KCTD15: variants seen among roughly 807,000 people sequenced by gnomAD.
The protein encoded by KCTD15 is potassium channel tetramerization domain containing 15.
Under a neutral mutation model 27.2 loss-of-function variants are expected in KCTD15, and 11 were observed. That is an observed-to-expected ratio of 0.41 (90% CI 0.25 to 0.67). The LOEUF (loss-of-function observed/expected upper bound fraction) is 0.67, where lower values mean the gene tolerates loss of function less well. Ranked by LOEUF, KCTD15 falls within the 30% of genes least tolerant of loss-of-function variation. KCTD15 has a pLI of 0.35. For missense variants in KCTD15, 350 were observed against 409.3 expected (o/e 0.86, Z 1.25); for synonymous variants, 163 against 176.0 (o/e 0.93, Z 0.58).
rs998538974 is a variant in KCTD15 at position 33,811,227 on chromosome 19, C to T, written c.388-20C>T. ...CCCTACTCCGACACCCACATCAACA[C>T]CCTGTGCGCCTGTCCCCAGGACTTC... On this transcript the variant is annotated intron_variant, in intron 5 of 6. Transcript: ENST00000683859. The T allele has an allele frequency of 1.1e-5, 14 of 1,229,538 alleles. No homozygotes were observed. The African/African-American group carries it at 1.7e-4, about 15-fold the overall frequency. 76.2% of individuals were successfully genotyped at this position (1,229,538 alleles called of 1,614,324 possible).
chr19:33,811,831 G>C lies in KCTD15; in HGVS notation c.693+279G>C, dbSNP rs530295360. The C allele has an allele frequency of 7.5e-6, 12 of 1,605,856 alleles. No homozygotes were observed. The South Asian group carries it at 1.1e-4, about 15-fold the overall frequency. On this transcript the variant is annotated intron_variant, in intron 6 of 6. Transcript: ENST00000683859. ...TGGCCCAGAGTATTTTCAACAAAGC[G>C]TGCTTCATTTGACACCCAGAGTCTG...
At chr19:33,804,218 G>A (rs972972150) in intron 4 of KCTD15, among the ~76,000 whole-genome samples, 2 of 152,194 alleles carry the variant, frequency 1.3e-5, no homozygotes, top group Admixed American at 6.5e-5. Context: ...TGGGAGAGGC[G>A]GTACAGCTGC....
rs547685187 is a variant in KCTD15, at chr19:33,814,022, AC to A, written c.*1081del. The A allele has an allele frequency of 2.7e-5, 4 of 150,648 alleles. No individual in the cohort carries two copies. Among genetic ancestry groups the A allele is most frequent in the East Asian group, 2.0e-4 (1 of 5,090 alleles). 9.3% of individuals were successfully genotyped at this position (150,648 alleles called of 1,614,324 possible). On this transcript the variant is annotated 3_prime_UTR_variant, in exon 7 of 7. Coordinates refer to ENST00000683859, the MANE Select transcript of KCTD15 (RefSeq NM_001129994.2). ...TCCCCCACGACAGGCCCAAAGATGGACCCCCCCTGGCCTTGTGACAGCTCCC... is the reference window on the plus strand; with the variant it reads ...TCCCCCACGACAGGCCCAAAGATGGACCCCCCTGGCCTTGTGACAGCTCCC...
intron 1 of KCTD15, among the ~76,000 whole-genome samples, chr19:33,797,998 C>A (rs941365235): frequency 3.3e-5 from 5 of 152,168 alleles, no homozygotes; most frequent in Non-Finnish European, 7.3e-5. Flanking sequence ...GCCGCGGCCA[C>A]CCCGCCCCGC....
intron 2 of KCTD15, among the ~76,000 whole-genome samples, chr19:33,799,289 T>C: frequency 6.6e-6 from 1 of 152,190 alleles, no homozygotes; most frequent in East Asian, 1.9e-4. Context: ...ATATTGAATT[T>C]CAAGGCACAA....
intron 1 of KCTD15, among the ~76,000 whole-genome samples, chr19:33,797,819 A>G (rs1486978099): frequency 6.6e-6 from 1 of 152,206 alleles, no homozygotes; most frequent in Non-Finnish European, 1.5e-5. Context: ...AGTTTCAATT[A>G]ATTTTTTTTT....
intron 5 of KCTD15, among the ~76,000 whole-genome samples, chr19:33,810,840 C>T (rs944217037): frequency 2.6e-5 from 4 of 151,702 alleles, no homozygotes; most frequent in Non-Finnish European, 4.4e-5. Flanking sequence ...CTGTGAGCTC[C>T]TAGGCCCGGC....
At chr19:33,811,628 A>G in intron 6 of KCTD15, 76 bp downstream of exon 6, 1 of 1,540,366 alleles carries the variant, frequency 6.5e-7, no homozygotes, top group Non-Finnish European at 8.8e-7. Flanking sequence ...AGTGAGCTGG[A>G]GGGAGGCGCG....
chr19:33,796,706 AGGCGGCGGC>A (rs1000701732), upstream of KCTD15: 4 of 137,536 alleles, frequency 2.9e-5, no homozygotes, highest in Admixed American at 7.2e-5. Context: ...CGCGAGGAGG[AGGCGGCGGC>A]GGCGGAGGCG....
chr19:33,807,171 A>G (rs1975739473), intron 5 of KCTD15, among the ~76,000 whole-genome samples, 164 bp downstream of exon 5: 1 of 152,248 alleles, frequency 6.6e-6, no homozygotes, highest in African/African-American at 2.4e-5. Context: ...TTGTTTTCTC[A>G]CATTTTTAGC....
chr19:33,801,317 A>G lies in KCTD15; in HGVS notation c.217A>G (p.Thr73Ala). 6.2e-7 allele frequency: 1 copy of G among 1,611,768 alleles called. No homozygotes were observed. The highest frequency in any genetic ancestry group is 8.5e-7 in the Non-Finnish European group (1 of 1,178,948). The change falls in exon 4 of 7, where the codon ACG becomes GCG. Residue 73 changes from threonine to alanine, a missense_variant. Physicochemically the swap from Thr to Ala is moderately conservative, Grantham distance 58. This residue lies in a region of KCTD15 where 54 missense variants were observed against 101.8 expected (regional missense o/e 0.53). Transcript: ENST00000683859. Reference sequence around the variant, plus strand: ...CCACATGTACACCAGCAGCCTGGCCACGCTCACCAAGTACCCTGACTCCAG... The same window carrying G: ...CCACATGTACACCAGCAGCCTGGCCGCGCTCACCAAGTACCCTGACTCCAG... ...GGHMYTSSLA[T>A]LTKYPDSRIS... is the part of the protein sequence containing the mutation.
At position 33,815,103 on chromosome 19, in the gene KCTD15, A is replaced by G. The variant is rs1015034400; in HGVS notation, c.*2155A>G. Reference sequence around the variant, plus strand: ...GTGTATGTTTATGGATTTTTCTGATATAACAGCCAGCATGGTTACCGAGTG... The same window carrying G: ...GTGTATGTTTATGGATTTTTCTGATGTAACAGCCAGCATGGTTACCGAGTG... On this transcript the variant is annotated 3_prime_UTR_variant, in exon 7 of 7. Coordinates refer to ENST00000683859, the MANE Select transcript of KCTD15 (RefSeq NM_001129994.2). The G allele has an allele frequency of 3.3e-5, 5 of 152,186 alleles. No individual in the cohort carries two copies. The highest frequency in any genetic ancestry group is 5.9e-5 in the Non-Finnish European group (4 of 68,024). 9.4% of individuals were successfully genotyped at this position (152,186 alleles called of 1,614,324 possible). A position where few individuals can be genotyped will look rare whatever the true frequency, so the allele number is the denominator to read the frequency against.
Position 33,800,490 on chromosome 19 carries a change from G to A in KCTD15, c.36G>A (p.Ser12=), listed in dbSNP as rs142264151. 1,441 of 1,604,634 alleles carry A rather than the reference G, an allele frequency of 9.0e-4. 2 individuals carry two copies. Among genetic ancestry groups the A allele is most frequent in the Non-Finnish European group, 1.1e-3 (1,352 of 1,176,872 alleles). The part of the protein sequence containing the change: ...PHRKERPSGS[S]LHTHGSTGTA... Reference sequence around the variant, plus strand: ...GCAAGGAGCGGCCGAGCGGGTCCTCGCTTCACACACACGGCAGCACCGGCA... The same window carrying A: ...GCAAGGAGCGGCCGAGCGGGTCCTCACTTCACACACACGGCAGCACCGGCA... Residue 12 remains serine, a synonymous_variant, in exon 3 of 7, where the codon TCG becomes TCA. Transcript: ENST00000683859.
At chr19:33,797,474 GACGCCCACCCC>G (rs1032327294) in intron 1 of KCTD15, 20 of 430,798 alleles carry the variant, frequency 4.6e-5, no homozygotes, top group African/African-American at 4.1e-4. Flanking sequence ...TGCGTCCTCT[GACGCCCACCCC>G]ACGAGTCCGA....
At chr19:33,809,540 A>G (rs1975821838) in intron 5 of KCTD15, among the ~76,000 whole-genome samples, 1 of 151,924 alleles carries the variant, frequency 6.6e-6, no homozygotes, top group Non-Finnish European at 1.5e-5. Flanking sequence ...GGCCATGACA[A>G]AAGATGGGGT....
In KCTD15 at chr19:33,812,923, G is replaced by C. The variant is rs775205108; in HGVS notation, c.827G>C (p.Arg276Pro). 1.3e-6 allele frequency: 2 copies of C among 1,548,842 alleles called. No homozygotes were observed. Among genetic ancestry groups the C allele is most frequent in the East Asian group, 2.4e-5 (1 of 40,890 alleles). ...RRPQPTPTAVRIKQEPLD is the reference protein window; with the variant it reads ...RRPQPTPTAVPIKQEPLD ...CCGCAGCCCACCCCCACTGCTGTTC[G>C]AATCAAGCAGGAACCCCTGGACTAG... The change falls in exon 7 of 7, where the codon CGA becomes CCA. Residue 276 changes from arginine (R) to proline (P), a missense_variant. This residue lies in a region of KCTD15 where 219 missense variants were observed against 234.9 expected (regional missense o/e 0.93). Transcript: ENST00000683859.
chr19:33,806,279 G>T (rs1192093210), intron 4 of KCTD15, among the ~76,000 whole-genome samples: 1 of 152,236 alleles, frequency 6.6e-6, no homozygotes, highest in Admixed American at 6.5e-5. Context: ...ACAGGTGTGT[G>T]TCCTTTCCTG....
At chr19:33,808,275 G>T (rs1975775387) in intron 5 of KCTD15, among the ~76,000 whole-genome samples, 1 of 152,252 alleles carries the variant, frequency 6.6e-6, no homozygotes. Context: ...CTGAGTGCCA[G>T]CCTCTGAATT....
At chr19:33,807,855 T>C (rs1470864286) in intron 5 of KCTD15, among the ~76,000 whole-genome samples, 1 of 151,052 alleles carries the variant, frequency 6.6e-6, no homozygotes. Context: ...CAGGAGAATC[T>C]CTTGAACCCA....
Sources: gnomAD v4.1 joint callset for allele counts (sites outside exome capture counted in the v4.1 genomes callset) on GRCh38, gnomAD v4.1.1 for gene constraint, gnomAD v4.1.1 regional missense constraint, MANE v1.5 for transcripts, NCBI Gene and HGNC (gene_info 2026-07-23, HGNC 2026-07-21) for gene names.